XPR1: variants seen among roughly 807,000 people sequenced by gnomAD.
The protein encoded by XPR1 is solute carrier family 53 member 1.
In XPR1, 28 loss-of-function variants were observed where a neutral mutation model predicts 87.5. The observed-to-expected ratio is 0.32, with a 90% CI of 0.24 to 0.44. The LOEUF is 0.44. XPR1 is among the 20% of genes least tolerant of loss of function. The probability of loss-of-function intolerance (pLI) is 1.00; values close to 1 mark genes in which losing one functional copy is unlikely to be tolerated. For missense variants in XPR1, 559 were observed against 862.3 expected, an observed-to-expected ratio of 0.65 and a Z score of 4.41; for synonymous variants, 300 against 306.1, an observed-to-expected ratio of 0.98 and a Z score of 0.21.
chr1:180,863,277 C>T (rs887512437), intron 11 of XPR1, among the ~76,000 whole-genome samples: 3 of 152,162 alleles, frequency 2.0e-5, no homozygotes, highest in African/African-American at 7.2e-5. Flanking sequence ...AGGAAATGTT[C>T]TAAAGTAAAA....
chr1:180,820,898 C>T (rs1195153579), intron 7 of XPR1, among the ~76,000 whole-genome samples: 1 of 151,960 alleles, frequency 6.6e-6, no homozygotes, highest in Admixed American at 6.6e-5. Flanking sequence ...GTTCTTAGCC[C>T]TATTTTAATT....
In XPR1 at chr1:180,689,265, T is replaced by G. The variant is rs150212519; in HGVS notation, c.121+6854T>G. On this transcript the variant is annotated intron_variant, in intron 2 of 14. Coordinates refer to ENST00000367590, the MANE Select transcript of XPR1 (RefSeq NM_004736.4). ...TCTATTTGACAACAAAAGAGAATTC[T>G]GGAGATTAATATAAAAAGACTTTTT... Among the ~76,000 whole-genome samples, 34 of 152,296 alleles carry G rather than the reference T, an allele frequency of 2.2e-4. No homozygotes were observed. In the East Asian group the frequency reaches 5.6e-3, roughly 25 times the overall value.
At chr1:180,682,011 T>G (rs1656593769) in intron 1 of XPR1, among the ~76,000 whole-genome samples, 1 of 152,218 alleles carries the variant, frequency 6.6e-6, no homozygotes, top group African/African-American at 2.4e-5. Flanking sequence ...CCTGATAGTT[T>G]CTTATGCAGT....
At chr1:180,728,300 G>GC (rs944835512) in intron 2 of XPR1, among the ~76,000 whole-genome samples, 18 of 146,386 alleles carry the variant, frequency 1.2e-4, no homozygotes, top group East Asian at 6.2e-4. Flanking sequence ...TTATAACTGG[G>GC]GGGGGGGGTA....
chr1:180,879,872 C>T (rs1234713394), intron 13 of XPR1, among the ~76,000 whole-genome samples: 1 of 152,080 alleles, frequency 6.6e-6, no homozygotes, highest in Non-Finnish European at 1.5e-5. Context: ...GCATAAGTCC[C>T]TCCCTTTTTC....
At chr1:180,711,436 AC>A (rs1343343898) in intron 2 of XPR1, among the ~76,000 whole-genome samples, 1 of 152,086 alleles carries the variant, frequency 6.6e-6, no homozygotes, top group Non-Finnish European at 1.5e-5. Flanking sequence ...ACACAGCGAA[AC>A]CCCGTCTCCA....
At chr1:180,701,428 GGTT>G (rs1272698112) in intron 2 of XPR1, among the ~76,000 whole-genome samples, 1 of 124,322 alleles carries the variant, frequency 8.0e-6, no homozygotes, top group Non-Finnish European at 1.6e-5. Context: ...TAGCATGAAG[GGTT>G]GTTGAATTTT....
chr1:180,802,800 T>G (rs1649840246), intron 3 of XPR1, among the ~76,000 whole-genome samples: 1 of 152,218 alleles, frequency 6.6e-6, no homozygotes, highest in South Asian at 2.1e-4. Flanking sequence ...TGTGTCTGGT[T>G]TCTTTCACTT....
At chr1:180,686,876 T>G (rs1656800651) in intron 2 of XPR1, among the ~76,000 whole-genome samples, 6 of 152,152 alleles carry the variant, frequency 3.9e-5, no homozygotes, top group Admixed American at 2.6e-4. Context: ...CCATTCTGAA[T>G]TAAAAATGTA....
At chr1:180,796,753 C>T (rs1475130400) in intron 3 of XPR1, among the ~76,000 whole-genome samples, 1 of 152,152 alleles carries the variant, frequency 6.6e-6, no homozygotes, top group East Asian at 1.9e-4. Context: ...AATATAATCG[C>T]TTCTCGGCCT....
intron 2 of XPR1, among the ~76,000 whole-genome samples, chr1:180,748,167 T>C (rs113550568): frequency 0.013 from 1,910 of 152,236 alleles, 29 homozygotes; most frequent in African/African-American, 0.044. Context: ...TTAATTCTCT[T>C]GTCTGTGAAA....
intron 1 of XPR1, among the ~76,000 whole-genome samples, chr1:180,669,442 G>A (rs1656083463): frequency 6.6e-6 from 1 of 151,980 alleles, no homozygotes; most frequent in African/African-American, 2.4e-5. Context: ...GAGTGCAGTG[G>A]CGCAATCTTG....
At chr1:180,742,421 G>A (rs899950956) in intron 2 of XPR1, among the ~76,000 whole-genome samples, 1 of 152,052 alleles carries the variant, frequency 6.6e-6, no homozygotes, top group Non-Finnish European at 1.5e-5. Flanking sequence ...TAATTTCCAT[G>A]TGTTTGGAGA....
chr1:180,764,359 C>CA (rs1272032955), intron 2 of XPR1, among the ~76,000 whole-genome samples: 6 of 151,442 alleles, frequency 4.0e-5, no homozygotes, highest in South Asian at 2.1e-4. Flanking sequence ...TTCCAAAATC[C>CA]AAAAAAATTC....
At chr1:180,714,025 T>C (rs1017771158) in intron 2 of XPR1, among the ~76,000 whole-genome samples, 2 of 82,372 alleles carry the variant, frequency 2.4e-5, no homozygotes, top group Admixed American at 1.4e-4. Flanking sequence ...GGGAAGATTT[T>C]AATAGGATTG....
intron 2 of XPR1, among the ~76,000 whole-genome samples, chr1:180,686,179 A>G (rs1392811457): frequency 1.3e-5 from 2 of 152,024 alleles, no homozygotes; most frequent in Non-Finnish European, 2.9e-5. Flanking sequence ...AGATTCTGGT[A>G]TGTTGTGTCT....
intron 1 of XPR1, among the ~76,000 whole-genome samples, chr1:180,677,098 A>G (rs1214609904): frequency 6.6e-6 from 1 of 152,140 alleles, no homozygotes; most frequent in African/African-American, 2.4e-5. Context: ...GACTACCTGG[A>G]GGTAGTACAG....
intron 1 of XPR1, among the ~76,000 whole-genome samples, chr1:180,676,968 A>G (rs1656388225): frequency 6.6e-6 from 1 of 152,136 alleles, no homozygotes; most frequent in Non-Finnish European, 1.5e-5. Flanking sequence ...GTTTGAACAG[A>G]ATAGTATGAT....
In XPR1 at chr1:180,709,748, A is replaced by G. The variant is rs181132961; in HGVS notation, c.121+27337A>G. ...GTGGTGTTACCTCGTTGTGTTTTTA[A>G]TTTACATTTTCCAAATGACTAACGA... On this transcript the variant is annotated intron_variant, in intron 2 of 14. Coordinates refer to ENST00000367590, the MANE Select transcript of XPR1 (RefSeq NM_004736.4). 4.1e-4 allele frequency among the ~76,000 whole-genome samples: 63 copies of G among 152,132 alleles called. No homozygotes were observed. The Middle Eastern group carries it at 0.02, about 49-fold the overall frequency.
Sources: allele counts gnomAD v4.1 joint callset (sites outside exome capture counted in the v4.1 genomes callset), GRCh38; gene constraint gnomAD v4.1.1; transcripts MANE v1.5; gene names NCBI Gene and HGNC (gene_info 2026-07-23, HGNC 2026-07-21).